The following EFR3A variants were observed in gnomAD, a reference collection of about 807,000 sequenced individuals.
The protein encoded by EFR3A is EFR3 homolog A.
EFR3A carries 76 observed loss-of-function variants against 104.4 expected under a neutral mutation model. That is an observed-to-expected ratio of 0.73 (90% CI 0.60 to 0.88). The LOEUF (loss-of-function observed/expected upper bound fraction) is 0.88, where lower values mean the gene tolerates loss of function less well. Among genes scored for constraint, EFR3A ranks in the 40% least tolerant of loss-of-function variants. The pLI is 0.00. For synonymous variants in EFR3A, 330 were observed against 330.0 expected, an observed-to-expected ratio of 1.00 and a Z score of 0.00; for missense variants, 985 against 1,012.5, an observed-to-expected ratio of 0.97 and a Z score of 0.37.
At chr8:131,993,285 A>C (rs948250858) in intron 18 of EFR3A, among the ~76,000 whole-genome samples, 12 of 152,208 alleles carry the variant, frequency 7.9e-5, no homozygotes, top group Admixed American at 5.9e-4. Context: ...GTACATAACT[A>C]TACATCATCC....
intron 22 of EFR3A, 110 bp downstream of exon 22, chr8:132,003,395 C>G: frequency 1.0e-6 from 1 of 1,000,986 alleles, no homozygotes; most frequent in Non-Finnish European, 1.5e-6. Context: ...TAAAGTAATG[C>G]TTTTCATTTA....
chr8:131,977,082 C>T lies in EFR3A; in HGVS notation c.1316C>T (p.Ser439Phe). Reference sequence around the variant, plus strand: ...AGAATTCAGATAATGTTGCTGAGATCTTTGCTTATGGTAAGGCATTTAAGA... The same window carrying T: ...AGAATTCAGATAATGTTGCTGAGATTTTTGCTTATGGTAAGGCATTTAAGA... ...TRRIQIMLLR[S>F]LLMVTSGYKA... is the part of the protein sequence containing the mutation. Residue 439 changes from serine to phenylalanine, a missense_variant, in exon 12 of 23, where the codon TCT becomes TTT. Physicochemically the swap from Ser to Phe is radical, Grantham distance 155. Coordinates refer to ENST00000254624, the MANE Select transcript of EFR3A (RefSeq NM_015137.6). 1 of 1,601,542 alleles carries T rather than the reference C, an allele frequency of 6.2e-7. No individual in the cohort carries two copies. Among genetic ancestry groups the T allele is most frequent in the Non-Finnish European group, 8.5e-7 (1 of 1,173,482 alleles).
intron 1 of EFR3A, among the ~76,000 whole-genome samples, chr8:131,905,777 A>G (rs1482790281): frequency 2.6e-5 from 4 of 152,234 alleles, no homozygotes; most frequent in African/African-American, 9.6e-5. Context: ...TTATTTTCTG[A>G]GAAACCAAAG....
At chr8:131,927,544 A>G (rs1482414906) in intron 1 of EFR3A, among the ~76,000 whole-genome samples, 1 of 149,850 alleles carries the variant, frequency 6.7e-6, no homozygotes, top group Non-Finnish European at 1.5e-5. Flanking sequence ...TTTGGTGCTA[A>G]TATGATTTTA....
chr8:132,006,102 C>A (rs1822035714), intron 22 of EFR3A, among the ~76,000 whole-genome samples: 1 of 152,068 alleles, frequency 6.6e-6, no homozygotes, highest in South Asian at 2.1e-4. Flanking sequence ...TGCTCAGGAG[C>A]AATTTTATAT....
chr8:131,956,934 C>T (rs1446017947), intron 7 of EFR3A, among the ~76,000 whole-genome samples: 1 of 151,984 alleles, frequency 6.6e-6, no homozygotes, highest in Non-Finnish European at 1.5e-5. Context: ...GTCAGAATTC[C>T]ATTTTTTATC....
intron 1 of EFR3A, among the ~76,000 whole-genome samples, chr8:131,911,606 A>G (rs1257641481): frequency 3.3e-5 from 5 of 152,236 alleles, no homozygotes; most frequent in Non-Finnish European, 7.3e-5. Flanking sequence ...AGGCAGATTA[A>G]TTGGAGAAAA....
In EFR3A at chr8:131,987,636, G is replaced by A. The variant is rs753769203; in HGVS notation, c.1999G>A (p.Glu667Lys). Residue 667 changes from glutamate to lysine, a missense_variant, in exon 18 of 23, where the codon GAG becomes AAG. By Grantham distance (56) the Glu-to-Lys change is moderately conservative. Coordinates refer to ENST00000254624, the MANE Select transcript of EFR3A (RefSeq NM_015137.6). ...DLYFLTNKIA[E>K]SLGGSGYSVE... The stretch of plus-strand genomic sequence containing the variant: ...GTACTTTCTGACCAACAAGATTGCA[G>A]AGTCGCTAGGTGGAAGTGGATATAG... The A allele has an allele frequency of 6.3e-7, 1 of 1,597,772 alleles. No homozygotes were observed.
chr8:131,942,539 T>G lies in EFR3A; in HGVS notation c.87+1964T>G, dbSNP rs533976630. On this transcript the variant is annotated intron_variant, in intron 2 of 22. Coordinates refer to ENST00000254624, the MANE Select transcript of EFR3A (RefSeq NM_015137.6). ...GTAATAAGTAGTACCGATCTCATAA[T>G]GTTCTCATGAGGACTAAATGAGTTA... 1.8e-3 allele frequency among the ~76,000 whole-genome samples: 280 copies of G among 152,262 alleles called. 2 individuals carry two copies. Among genetic ancestry groups the G allele is most frequent in the African/African-American group, 6.5e-3 (272 of 41,580 alleles).
At chr8:131,946,288 C>G (rs549564428) in intron 3 of EFR3A, among the ~76,000 whole-genome samples, 195 bp from the exon 4 acceptor site, 2 of 151,898 alleles carry the variant, frequency 1.3e-5, no homozygotes, top group East Asian at 3.9e-4. Flanking sequence ...CTGTATACTT[C>G]GATAAAAGGA....
chr8:131,927,966 TGCAA>T (rs1817383519), intron 1 of EFR3A, among the ~76,000 whole-genome samples: 1 of 152,186 alleles, frequency 6.6e-6, no homozygotes, highest in African/African-American at 2.4e-5. Flanking sequence ...ATCATGATTT[TGCAA>T]GCATTGATAG....
chr8:131,940,294 T>C (rs1818100872), intron 1 of EFR3A: 3 of 563,804 alleles, frequency 5.3e-6, no homozygotes, highest in African/African-American at 1.9e-5. Flanking sequence ...TACCTAAAAA[T>C]TCTTAGAAGC....
chr8:131,913,281 A>G (rs1816602219), intron 1 of EFR3A, among the ~76,000 whole-genome samples: 1 of 151,890 alleles, frequency 6.6e-6, no homozygotes, highest in Non-Finnish European at 1.5e-5. Flanking sequence ...TGCCGGGTTT[A>G]TTCAGTTCTT....
At chr8:131,929,465 C>T (rs1213704775) in intron 1 of EFR3A, among the ~76,000 whole-genome samples, 1 of 152,142 alleles carries the variant, frequency 6.6e-6, no homozygotes, top group East Asian at 1.9e-4. Context: ...ACTTTTTCTT[C>T]AAGACTTAAT....
intron 14 of EFR3A, among the ~76,000 whole-genome samples, chr8:131,982,206 T>C (rs1257919917): frequency 6.6e-6 from 1 of 152,118 alleles, no homozygotes; most frequent in African/African-American, 2.4e-5. Flanking sequence ...TAAATATACA[T>C]TATGTCCTTG....
chr8:131,965,132 A>T (rs1054411191), intron 8 of EFR3A, among the ~76,000 whole-genome samples: 1 of 152,182 alleles, frequency 6.6e-6, no homozygotes, highest in Non-Finnish European at 1.5e-5. Context: ...AACCTAGGCA[A>T]TACCATTCAG....
intron 22 of EFR3A, among the ~76,000 whole-genome samples, chr8:132,005,880 A>C (rs548275235): frequency 6.6e-6 from 1 of 152,296 alleles, no homozygotes; most frequent in South Asian, 2.1e-4. Context: ...AAGTGTAAGT[A>C]AATGTCAGGA....
At chr8:131,904,393 C>T (rs1816135222) in intron 1 of EFR3A, 71 bp downstream of exon 1, 2 of 1,223,716 alleles carry the variant, frequency 1.6e-6, no homozygotes, top group African/African-American at 3.1e-5. Context: ...GCCGGGTACT[C>T]CTCCCGGGCG....
chr8:132,001,410 TACAAC>T (rs1170430953), intron 19 of EFR3A, among the ~76,000 whole-genome samples: 3 of 152,236 alleles, frequency 2.0e-5, no homozygotes, highest in Non-Finnish European at 4.4e-5. Context: ...ATTGTTTACT[TACAAC>T]ACAGTGTTCA....
Sources: gnomAD v4.1 joint callset for allele counts (sites outside exome capture counted in the v4.1 genomes callset) on GRCh38, gnomAD v4.1.1 for gene constraint, MANE v1.5 for transcripts, NCBI Gene and HGNC (gene_info 2026-07-23, HGNC 2026-07-21) for gene names.